Variants in TAS2R1 observed in about 807,000 individuals in gnomAD.
The protein encoded by TAS2R1 is taste receptor type 2 member 1.
For synonymous variants in TAS2R1, 141 were observed against 134.2 expected (o/e 1.05, Z -0.35); for missense variants, 370 against 353.4 (o/e 1.05, Z -0.38).
rs1343062961 is a variant in TAS2R1 at position 9,678,782 on chromosome 5, G to A, written c.-241-19201C>T. Among the ~76,000 whole-genome samples, 3 of 152,200 alleles carry A rather than the reference G, an allele frequency of 2.0e-5. No homozygotes were observed. The East Asian group carries it at 5.8e-4, about 29-fold the overall frequency. Reference sequence around the variant, plus strand: ...AACAACACACACTGGAGCCTGTTGGGGGGTTTGGGGGAGGGAGAGGATCAG... The same window carrying A: ...AACAACACACACTGGAGCCTGTTGGAGGGTTTGGGGGAGGGAGAGGATCAG... On this transcript the variant is annotated intron_variant, in intron 1 of 2. Coordinates refer to the TAS2R1 transcript ENST00000506620.
chr5:9,659,007 A>G (rs1415765095), intron 2 of TAS2R1, among the ~76,000 whole-genome samples: 1 of 152,198 alleles, frequency 6.6e-6, no homozygotes, highest in Non-Finnish European at 1.5e-5. Flanking sequence ...CCTTGGATAC[A>G]AGTATTGTCA....
chr5:9,722,298 T>C, the TAS2R1 span, among the ~76,000 whole-genome samples: 1 of 152,224 alleles, frequency 6.6e-6, no homozygotes, highest in South Asian at 2.1e-4. Context: ...GTGCCCAGAT[T>C]CCTGACCCAT....
At chr5:9,875,449 C>T in the TAS2R1 span, among the ~76,000 whole-genome samples, 23 of 152,190 alleles carry the variant, frequency 1.5e-4, no homozygotes, top group Non-Finnish European at 2.9e-4. Context: ...CATTTATGAG[C>T]TTGGTCCAAC....
the TAS2R1 span, among the ~76,000 whole-genome samples, chr5:9,791,665 C>T: frequency 5.4e-3 from 825 of 152,208 alleles, 12 homozygotes; most frequent in African/African-American, 0.019. Context: ...TGCCACTGCA[C>T]TCCAGCCTGG....
At position 9,628,412 on chromosome 5, in the gene TAS2R1, A is replaced by G. The variant is rs142448018; in HGVS notation, c.*721T>C. ...CAGAGTGCACAGCTAGGAGAAATGGAAAACAGGCATTCAGTCCTCTACTCC... is the reference window on the plus strand; with the variant it reads ...CAGAGTGCACAGCTAGGAGAAATGGGAAACAGGCATTCAGTCCTCTACTCC... On this transcript the variant is annotated 3_prime_UTR_variant, in exon 1 of 1. Coordinates refer to ENST00000382492, the MANE Select transcript of TAS2R1 (RefSeq NM_019599.3). Among the ~76,000 whole-genome samples the G allele has an allele frequency of 1.9e-3, 287 of 152,296 alleles. 1 individual carries two copies. The highest frequency in any genetic ancestry group is 6.7e-3 in the African/African-American group (279 of 41,554).
chr5:9,741,353 C>T, the TAS2R1 span, among the ~76,000 whole-genome samples: 3 of 152,304 alleles, frequency 2.0e-5, no homozygotes, highest in East Asian at 5.8e-4. Context: ...GGACCCGCTT[C>T]TCCCATCTCT....
chr5:9,665,039 C>T (rs530367993), intron 1 of TAS2R1, among the ~76,000 whole-genome samples: 2 of 152,236 alleles, frequency 1.3e-5, no homozygotes, highest in South Asian at 2.1e-4. Context: ...GTCAGGAGTC[C>T]AACACAGAAC....
At chr5:9,660,031 C>T (rs535759384) in intron 1 of TAS2R1, 1 of 149,502 alleles carries the variant, frequency 6.7e-6, no homozygotes, top group East Asian at 2.0e-4. Context: ...AATTAAAAGG[C>T]ATTATGGAAA....
the TAS2R1 span, among the ~76,000 whole-genome samples, chr5:9,840,862 T>A: frequency 2.3e-3 from 15 of 6,612 alleles, no homozygotes; most frequent in South Asian, 0.013. Flanking sequence ...TATTTATTTT[T>A]TTTTTTTTTT....
chr5:9,844,798 C>A, the TAS2R1 span, among the ~76,000 whole-genome samples: 2 of 152,124 alleles, frequency 1.3e-5, no homozygotes, highest in African/African-American at 4.8e-5. Flanking sequence ...CTTTCTAAAT[C>A]ATCTGATTCT....
intron 2 of TAS2R1, among the ~76,000 whole-genome samples, chr5:9,636,472 T>A (rs13360428): frequency 0.042 from 6,383 of 152,216 alleles, 418 homozygotes; most frequent in African/African-American, 0.14. Flanking sequence ...TAGGGTATAG[T>A]TTAAGTCCAT....
chr5:9,676,231 G>A (rs1740872297), intron 1 of TAS2R1, among the ~76,000 whole-genome samples: 1 of 152,104 alleles, frequency 6.6e-6, no homozygotes, highest in South Asian at 2.1e-4. Context: ...CTTTTGATGA[G>A]CTGTTGAATT....
chr5:9,806,962 C>G, the TAS2R1 span, among the ~76,000 whole-genome samples: 2 of 152,082 alleles, frequency 1.3e-5, no homozygotes, highest in Non-Finnish European at 2.9e-5. Context: ...AGTTAACAGA[C>G]AACCCACAGA....
Position 9,630,205 on chromosome 5 carries a change from T to G in TAS2R1, c.-173A>C. ...TTGTTTATGTCACTGCTTTCTCTAT[T>G]TAGTTCTGAGACAGTCAAATAAGGA... On this transcript the variant is annotated 5_prime_UTR_variant, in exon 1 of 1. Transcript: ENST00000382492. The G allele has an allele frequency of 1.9e-6, 1 of 517,470 alleles. No individual in the cohort carries two copies. Among genetic ancestry groups the G allele is most frequent in the Non-Finnish European group, 3.4e-6 (1 of 296,448 alleles). 32.1% of individuals were successfully genotyped at this position (517,470 alleles called of 1,614,324 possible). A position where few individuals can be genotyped will look rare whatever the true frequency, so the allele number is the denominator to read the frequency against.
the TAS2R1 span, among the ~76,000 whole-genome samples, chr5:9,873,610 T>C: frequency 6.6e-6 from 1 of 151,922 alleles, no homozygotes; most frequent in Non-Finnish European, 1.5e-5. Flanking sequence ...CTCACACCTG[T>C]AATCCTAGCA....
the TAS2R1 span, among the ~76,000 whole-genome samples, chr5:9,896,445 G>T: frequency 6.6e-6 from 1 of 152,094 alleles, no homozygotes; most frequent in African/African-American, 2.4e-5. Context: ...TTTAGAAAAC[G>T]TATCCATCAT....
At chr5:9,641,133 A>G (rs1369973812) in intron 2 of TAS2R1, among the ~76,000 whole-genome samples, 3 of 152,230 alleles carry the variant, frequency 2.0e-5, no homozygotes, top group African/African-American at 7.2e-5. Flanking sequence ...CGGCCCTGAC[A>G]GGAAACTAGC....
the TAS2R1 span, among the ~76,000 whole-genome samples, chr5:9,899,240 T>C: frequency 6.6e-6 from 1 of 152,164 alleles, no homozygotes. Flanking sequence ...GTGACTACTG[T>C]CTTCATTTCT....
At chr5:9,800,722 C>A in the TAS2R1 span, among the ~76,000 whole-genome samples, 1 of 152,314 alleles carries the variant, frequency 6.6e-6, no homozygotes, top group South Asian at 2.1e-4. Context: ...CTCATGCCAC[C>A]TCTTTCAAAT....
Sources: gnomAD v4.1 joint callset for allele counts (sites outside exome capture counted in the v4.1 genomes callset) on GRCh38, gnomAD v4.1.1 for gene constraint, MANE v1.5 for transcripts, NCBI Gene and HGNC (gene_info 2026-07-23, HGNC 2026-07-21) for gene names.